Variants in TNRC18 observed in about 807,000 individuals in gnomAD.
TNRC18 encodes trinucleotide repeat containing 18, also known as trinucleotide repeat-containing gene 18 protein.
In TNRC18, 69 loss-of-function variants were observed where a neutral mutation model predicts 226.7. The ratio of observed to expected loss-of-function variants is 0.30; its 90% CI spans 0.25 to 0.37. The LOEUF (loss-of-function observed/expected upper bound fraction) is 0.37. Among genes scored for constraint, TNRC18 ranks in the 10% least tolerant of loss-of-function variants. The pLI is 1.00. For synonymous variants in TNRC18, 2,449 were observed against 1,927.6 expected (o/e 1.27, Z -7.09); for missense variants, 4,754 against 4,256.6 (o/e 1.12, Z -3.25).
intron 19 of TNRC18, among the ~76,000 whole-genome samples, chr7:5,329,713 G>C (rs1395619760): frequency 7.4e-6 from 1 of 135,186 alleles, no homozygotes; most frequent in African/African-American, 2.7e-5. Flanking sequence ...AAAAAGGATA[G>C]CTATCTGTCC....
In TNRC18 at chr7:5,312,706, G is replaced by A. The variant is rs1383635066; in HGVS notation, c.8185C>T (p.Pro2729Ser). 6.3e-7 allele frequency: 1 copy of A among 1,585,366 alleles called. No homozygotes were observed. Among genetic ancestry groups the A allele is most frequent in the African/African-American group, 1.4e-5 (1 of 73,908 alleles). Residue 2729 changes from proline (P) to serine (S), a missense_variant, in exon 27 of 30, where the codon CCT becomes TCT. Pro to Ser is a moderately conservative substitution (Grantham distance 74). Coordinates refer to ENST00000430969, the MANE Select transcript of TNRC18 (RefSeq NM_001080495.3). The surrounding 1 kb of genome is among the most constrained non-coding windows in gnomAD (Gnocchi z 6.3). Reference protein sequence around the residue: ...KKTPAPQPQAPPPQPTQPLQP... With the variant: ...KKTPAPQPQASPPQPTQPLQP... ...AGAGGCTGTGTGGGCTGCGGAGGAGGCGCCTGGGGCTGGGGCGCGGGCGTC... is the reference window on the plus strand; with the variant it reads ...AGAGGCTGTGTGGGCTGCGGAGGAGACGCCTGGGGCTGGGGCGCGGGCGTC...
chr7:5,313,748 G>A lies in TNRC18; in HGVS notation c.7143C>T (p.Asp2381=), dbSNP rs1483102186. The change falls in exon 27 of 30, where the codon GAC becomes GAT. Residue 2381 remains aspartate, a synonymous_variant. Transcript: ENST00000430969. ...GCGCCTTGGGGGCCTTGGCTCGCTT[G>A]TCCACAGGCTCTGGGGGGCTCTTCT... ...GSKKSPPEPV[D]KRAKAPKARP... is the part of the protein sequence containing the mutation. 1 of 1,569,270 alleles carries A rather than the reference G, an allele frequency of 6.4e-7. No homozygotes were observed. Among genetic ancestry groups the A allele is most frequent in the South Asian group, 1.2e-5 (1 of 83,424 alleles).
chr7:5,354,925 G>A lies in TNRC18; in HGVS notation c.5194+1991C>T, dbSNP rs962276093. ...CATGCTTTACGGTATCAATAAACAC[G>A]GCGACTTTTCGCCCTTGACAGTCAA... On this transcript the variant is annotated intron_variant, in intron 16 of 29. Coordinates refer to ENST00000430969, the MANE Select transcript of TNRC18 (RefSeq NM_001080495.3). 7.4e-4 allele frequency among the ~76,000 whole-genome samples: 112 copies of A among 152,260 alleles called. 1 individual carries two copies. Among genetic ancestry groups the A allele is most frequent in the South Asian group, 2.1e-4 (1 of 4,824 alleles).
chr7:5,375,838 G>T (rs779834445), intron 9 of TNRC18, among the ~76,000 whole-genome samples, 196 bp downstream of exon 9: 2 of 152,188 alleles, frequency 1.3e-5, no homozygotes, highest in African/African-American at 2.4e-5. Flanking sequence ...AGCTCCCTCC[G>T]CCTGGAGAAC....
At chr7:5,390,006 C>T (rs989012998) in intron 4 of TNRC18, 3 of 196,456 alleles carry the variant, frequency 1.5e-5, no homozygotes, top group African/African-American at 6.9e-5. Context: ...ACAGTGTGAC[C>T]AGAAGGCACC....
chr7:5,337,964 C>A (rs1790291389), intron 18 of TNRC18, among the ~76,000 whole-genome samples: 1 of 152,094 alleles, frequency 6.6e-6, no homozygotes, highest in Non-Finnish European at 1.5e-5. Context: ...GCCTGGGCGA[C>A]AGAGTGAGAC....
chr7:5,417,732 G>A (rs1227594721), intron 2 of TNRC18, among the ~76,000 whole-genome samples: 1 of 152,204 alleles, frequency 6.6e-6, no homozygotes, highest in African/African-American at 2.4e-5. Context: ...TCCCCACCAA[G>A]TGGCCCTTCC....
At chr7:5,381,646 G>T (rs950780230) in intron 5 of TNRC18, among the ~76,000 whole-genome samples, 9 of 152,194 alleles carry the variant, frequency 5.9e-5, no homozygotes, top group Non-Finnish European at 1.3e-4. Context: ...AAAAAGAAAG[G>T]AAAGAAGGAA....
chr7:5,310,867 T>C (rs1481925965), intron 27 of TNRC18, among the ~76,000 whole-genome samples: 2 of 152,274 alleles, frequency 1.3e-5, no homozygotes, highest in Non-Finnish European at 2.9e-5. Context: ...CTGCCATGTA[T>C]ATGTGCCTGT....
chr7:5,389,198 C>G lies in TNRC18; in HGVS notation c.626G>C (p.Arg209Pro). ...SSSRDGPAKE[R>P]AGRGGEPPPL... is the part of the protein sequence containing the mutation. ...AGGCGGCTCCCCGCCGCGGCCCGCCCGCTCCTTGGCTGGACCGTCCCGCGA... is the reference window on the plus strand; with the variant it reads ...AGGCGGCTCCCCGCCGCGGCCCGCCGGCTCCTTGGCTGGACCGTCCCGCGA... The change falls in exon 5 of 30, where the codon CGG becomes CCG. Residue 209 changes from arginine to proline, a missense_variant. Transcript: ENST00000430969. 6 of 1,329,784 alleles carry G rather than the reference C, an allele frequency of 4.5e-6. No individual in the cohort carries two copies. Among genetic ancestry groups the G allele is most frequent in the Non-Finnish European group, 5.8e-6 (6 of 1,042,436 alleles). The allele number at this position is 1,329,784 out of a possible 1,614,324, so 82.4% of individuals were successfully genotyped here. A position where few individuals can be genotyped will look rare whatever the true frequency, so the allele number is the denominator to read the frequency against.
At position 5,384,889 on chromosome 7, in the gene TNRC18, A is replaced by C. The variant is rs115275456; in HGVS notation, c.2152+2783T>G. Among the ~76,000 whole-genome samples, 598 of 152,350 alleles carry C rather than the reference A, an allele frequency of 3.9e-3. 4 individuals are homozygous for C. The highest frequency in any genetic ancestry group is 0.013 in the African/African-American group (552 of 41,578). On this transcript the variant is annotated intron_variant, in intron 5 of 29. Coordinates refer to ENST00000430969, the MANE Select transcript of TNRC18 (RefSeq NM_001080495.3). ...GAGCAGTGTGTTCATTCAGTCAGTC[A>C]ACAAACACTCACTGAGCATCGCTCA...
rs1309283866 is a variant in TNRC18, at chr7:5,376,871, G to A, written c.2584C>T (p.Pro862Ser). 6.2e-7 allele frequency: 1 copy of A among 1,611,776 alleles called. No individual in the cohort carries two copies. The highest frequency in any genetic ancestry group is 8.5e-7 in the Non-Finnish European group (1 of 1,178,984). Reference sequence around the variant, plus strand: ...CCAAAGTGAGGAAGGTGATCACTGGGAATGACCACCAGCTGGCCCGATTGG... The same window carrying A: ...CCAAAGTGAGGAAGGTGATCACTGGAAATGACCACCAGCTGGCCCGATTGG... ...DPQSGQLVVI[P>S]SDHLPHFAEL... is the part of the protein sequence containing the mutation. Residue 862 changes from proline to serine, a missense_variant, in exon 8 of 30, where the codon CCC becomes TCC. Pro to Ser is a moderately conservative substitution (Grantham distance 74, BLOSUM62 -1). Coordinates refer to ENST00000430969, the MANE Select transcript of TNRC18 (RefSeq NM_001080495.3).
In TNRC18 at chr7:5,361,626, G is replaced by A; in HGVS notation, c.4629C>T (p.Arg1543=). ...THAPSALSPP[R]KRGKSGHSSG... is the part of the protein sequence containing the mutation. ...TACTGTGGCCGCTCTTCCCTCTCTT[G>A]CGGGGGGGCGACAGGGCGCTCGGGG... The change falls in exon 14 of 30, where the codon CGC becomes CGT. Residue 1543 remains arginine (R), a synonymous_variant. Coordinates refer to ENST00000430969, the MANE Select transcript of TNRC18 (RefSeq NM_001080495.3). The A allele has an allele frequency of 6.5e-7, 1 of 1,546,460 alleles. No homozygotes were observed. The highest frequency in any genetic ancestry group is 2.5e-5 in the East Asian group (1 of 40,346).
In TNRC18 at chr7:5,309,136, C is replaced by T. The variant is rs199955791; in HGVS notation, c.8621G>A (p.Gly2874Asp). ...ETSPGKQFHQGQHWDQKSSRS... is the reference protein window; with the variant it reads ...ETSPGKQFHQDQHWDQKSSRS... ...GCAGCCGGGCCGCAGGCTCACCTGG[C>T]CCTGGTGGAACTGCTTGCCCGGGCT... The change falls in exon 28 of 30, where the codon GGC becomes GAC. Residue 2874 changes from glycine (G) to aspartate (D), a missense_variant. Coordinates refer to ENST00000430969, the MANE Select transcript of TNRC18 (RefSeq NM_001080495.3). The surrounding 1 kb of genome is among the most constrained non-coding windows in gnomAD (Gnocchi z 5.7). 1,566 of 1,607,970 alleles carry T rather than the reference C, an allele frequency of 9.7e-4. 4 individuals carry two copies. Among genetic ancestry groups the T allele is most frequent in the Middle Eastern group, 3.4e-3 (16 of 4,682 alleles).
intron 2 of TNRC18, among the ~76,000 whole-genome samples, chr7:5,406,481 A>C (rs1346570333): frequency 6.6e-6 from 1 of 151,282 alleles, no homozygotes; most frequent in Non-Finnish European, 1.5e-5. Context: ...TTTTTTTTTA[A>C]TGTTTTTAAA....
Position 5,316,085 on chromosome 7 carries a change from G to A in TNRC18, c.6746-13C>T, listed in dbSNP as rs764864168. On this transcript the variant is annotated splice_polypyrimidine_tract_variant and intron_variant, in intron 24 of 29. Coordinates refer to ENST00000430969, the MANE Select transcript of TNRC18 (RefSeq NM_001080495.3). ...AGGTCCAGTAACCCTGTGGGAAGAG[G>A]GGAGGCTCAGGGGAGGCCCTCGGAC... 16 of 1,605,346 alleles carry A rather than the reference G, an allele frequency of 1.0e-5. No homozygotes were observed. Among genetic ancestry groups the A allele is most frequent in the Non-Finnish European group, 1.3e-5 (15 of 1,174,658 alleles).
intron 26 of TNRC18, among the ~76,000 whole-genome samples, chr7:5,314,289 C>G (rs1583735114): frequency 6.6e-6 from 1 of 152,196 alleles, no homozygotes; most frequent in South Asian, 2.1e-4. Context: ...GGTTTCAATC[C>G]TGGCCCTGCT....
chr7:5,313,893 G>A, intron 26 of TNRC18, 30 bp from the exon 27 acceptor site: 1 of 1,428,698 alleles, frequency 7.0e-7, no homozygotes, highest in Non-Finnish European at 9.2e-7. Context: ...AGAAGCTGGG[G>A]CGGGGGCTTC....
intron 2 of TNRC18, chr7:5,420,317 C>A (rs771488482): frequency 1.5e-5 from 7 of 452,668 alleles, no homozygotes; most frequent in South Asian, 1.1e-4. Context: ...GCCCGACCCG[C>A]TCTCTTCTTT....
Sources: gnomAD v4.1 joint callset for allele counts (sites outside exome capture counted in the v4.1 genomes callset) on GRCh38, gnomAD v4.1.1 for gene constraint, Gnocchi (gnomAD v3.1) non-coding constraint, MANE v1.5 for transcripts, NCBI Gene and HGNC (gene_info 2026-07-23, HGNC 2026-07-21) for gene names.